EFCAB8: variants seen among roughly 807,000 people sequenced by gnomAD.
The protein encoded by EFCAB8 is EF-hand calcium-binding domain-containing protein 8.
In EFCAB8, 100 loss-of-function variants were observed where a neutral mutation model predicts 116.3. The ratio of observed to expected loss-of-function variants is 0.86; its 90% confidence interval spans 0.73 to 1.02. The LOEUF (loss-of-function observed/expected upper bound fraction) is 1.02, where lower values mean the gene tolerates loss of function less well. Ranked by LOEUF, EFCAB8 falls within the 50% of genes least tolerant of loss-of-function variation. EFCAB8 has a pLI of 0.00. For missense variants in EFCAB8, 1,320 were observed against 1,416.9 expected (o/e 0.93, Z 1.10); for synonymous variants, 558 against 567.9 (o/e 0.98, Z 0.25).
At chr20:32,920,342 C>A in intron 20 of EFCAB8, 127 bp downstream of exon 20, 1 of 1,316,622 alleles carries the variant, frequency 7.6e-7, no homozygotes. Context: ...GCCCGGAAGG[C>A]ATCTTGGAGA....
chr20:32,945,399 G>A (rs918729710), intron 23 of EFCAB8, among the ~76,000 whole-genome samples: 4 of 151,990 alleles, frequency 2.6e-5, no homozygotes, highest in Admixed American at 2.0e-4. Context: ...TCAAGTGATC[G>A]CCCACCTAAG....
intron 5 of EFCAB8, among the ~76,000 whole-genome samples, chr20:32,880,671 T>C (rs1042085286): frequency 1.3e-5 from 2 of 152,230 alleles, no homozygotes; most frequent in African/African-American, 2.4e-5. Flanking sequence ...CATTTACTGG[T>C]TTATTATAAA....
intron 15 of EFCAB8, among the ~76,000 whole-genome samples, chr20:32,911,192 G>A (rs1986901705): frequency 6.6e-6 from 1 of 152,162 alleles, no homozygotes; most frequent in Non-Finnish European, 1.5e-5. Context: ...TGTTGTTTCA[G>A]TAATGTCTTT....
intron 22 of EFCAB8, among the ~76,000 whole-genome samples, chr20:32,937,332 G>A (rs1300648642): frequency 6.6e-6 from 1 of 152,068 alleles, no homozygotes; most frequent in African/African-American, 2.4e-5. Context: ...ACCTTATGGA[G>A]TTACAAATTT....
chr20:32,867,671 T>G lies in EFCAB8; in HGVS notation c.132T>G (p.Pro44=). ...ITLSQVPDLQ[P]GSQLFTEIHL... ...TTAGCCAGGTGCCTGACCTCCAGCC[T>G]GGGTCCCAGCTGTTTACTGAGATAC... Residue 44 remains proline, a synonymous_variant, in exon 3 of 27, where the codon CCT becomes CCG. Coordinates refer to ENST00000400522, the MANE Select transcript of EFCAB8 (RefSeq NM_001143967.2). The G allele has an allele frequency of 1.3e-6, 2 of 1,551,672 alleles. No homozygotes were observed. The highest frequency in any genetic ancestry group is 1.7e-6 in the Non-Finnish European group (2 of 1,146,986).
intron 23 of EFCAB8, among the ~76,000 whole-genome samples, chr20:32,947,205 G>T (rs1988623241): frequency 6.6e-6 from 1 of 152,114 alleles, no homozygotes. Context: ...TTCTACCTTT[G>T]TGTCTTCATC....
chr20:32,910,076 AG>A (rs1986849216), intron 15 of EFCAB8, 145 bp downstream of exon 15: 1 of 411,284 alleles, frequency 2.4e-6, no homozygotes, highest in African/African-American at 2.0e-5. Context: ...GTGCTGGGGC[AG>A]CGGGATAGAC....
chr20:32,937,317 A>G (rs1315222959), intron 22 of EFCAB8, among the ~76,000 whole-genome samples: 3 of 152,118 alleles, frequency 2.0e-5, no homozygotes, highest in Non-Finnish European at 2.9e-5. Flanking sequence ...ATTAAATAAT[A>G]TTTCACCTTA....
chr20:32,936,014 ATTTATT>A (rs567827010), intron 22 of EFCAB8, among the ~76,000 whole-genome samples: 154 of 151,626 alleles, frequency 1.0e-3, no homozygotes, highest in African/African-American at 3.1e-3. Flanking sequence ...TTTTGCTTTT[ATTTATT>A]TTTATTTTTA....
At chr20:32,912,430 CAAAA>C (rs762528188) in intron 16 of EFCAB8, among the ~76,000 whole-genome samples, 11 of 81,658 alleles carry the variant, frequency 1.3e-4, no homozygotes, top group East Asian at 5.3e-4. Flanking sequence ...GAAACTCTGT[CAAAA>C]AAAAAAAAAA....
chr20:32,956,397 T>C (rs1988964781), intron 23 of EFCAB8, among the ~76,000 whole-genome samples: 1 of 152,196 alleles, frequency 6.6e-6, no homozygotes, highest in East Asian at 1.9e-4. Flanking sequence ...TTTTCCTTTA[T>C]TCTGAAGAAA....
chr20:32,952,723 G>A (rs934166372), intron 23 of EFCAB8, among the ~76,000 whole-genome samples: 6 of 152,268 alleles, frequency 3.9e-5, no homozygotes, highest in African/African-American at 7.2e-5. Context: ...TCACTTGCCC[G>A]TTCATTTTCC....
At chr20:32,879,493 C>T (rs558725309) in intron 5 of EFCAB8, among the ~76,000 whole-genome samples, 1 of 152,306 alleles carries the variant, frequency 6.6e-6, no homozygotes, top group East Asian at 1.9e-4. Flanking sequence ...GCAGGGACCT[C>T]TCTAAGCGAA....
intron 9 of EFCAB8, among the ~76,000 whole-genome samples, chr20:32,895,823 G>A (rs1032223717): frequency 1.3e-5 from 2 of 151,804 alleles, no homozygotes; most frequent in African/African-American, 2.4e-5. Context: ...TGCCCGTCTC[G>A]CCCTCCCAAA....
intron 23 of EFCAB8, among the ~76,000 whole-genome samples, chr20:32,957,527 T>C (rs1387520919): frequency 6.6e-6 from 1 of 152,146 alleles, no homozygotes; most frequent in African/African-American, 2.4e-5. Context: ...GGTTGAAATC[T>C]GTGTCTGTTT....
chr20:32,911,557 G>A lies in EFCAB8; in HGVS notation c.1635G>A (p.Val545=). Residue 545 remains valine, a synonymous_variant, in exon 16 of 27, where the codon GTG becomes GTA. Transcript: ENST00000400522. ...GCAGGAAGACGATGGAGTTTGCTGT[G>A]TCTGGGGGCCAGCACGTGGAGATGA... The part of the protein sequence containing the change: ...VTGRKTMEFA[V]SGGQHVEMTA... The A allele has an allele frequency of 6.5e-7, 1 of 1,542,540 alleles. No individual in the cohort carries two copies. Among genetic ancestry groups the A allele is most frequent in the Non-Finnish European group, 8.8e-7 (1 of 1,141,092 alleles).
At chr20:32,954,862 A>T (rs1454852193) in intron 23 of EFCAB8, among the ~76,000 whole-genome samples, 2 of 152,200 alleles carry the variant, frequency 1.3e-5, no homozygotes, top group East Asian at 3.8e-4. Flanking sequence ...TGAAAATTCA[A>T]CCTTGCATTC....
At position 32,930,568 on chromosome 20, in the gene EFCAB8, T is replaced by C. The variant is rs1340229609; in HGVS notation, c.2583T>C (p.Asp861=). 6.4e-7 allele frequency: 1 copy of C among 1,552,252 alleles called. No homozygotes were observed. Among genetic ancestry groups the C allele is most frequent in the Non-Finnish European group, 8.7e-7 (1 of 1,147,120 alleles). ...GDVVVGAMAT[D]KNDWILITGD... ...TTGTCGTGGGTGCCATGGCCACTGA[T>C]AAAAATGACTGGATCCTCATCACGG... Residue 861 remains aspartate, a synonymous_variant, in exon 21 of 27, where the codon GAT becomes GAC. Coordinates refer to ENST00000400522, the MANE Select transcript of EFCAB8 (RefSeq NM_001143967.2).
At chr20:32,904,333 C>T (rs944434978) in intron 11 of EFCAB8, among the ~76,000 whole-genome samples, 2 of 151,188 alleles carry the variant, frequency 1.3e-5, no homozygotes, top group Admixed American at 6.6e-5. Context: ...CAGGTTCTTG[C>T]TCTGTCCCCC....
Sources: allele counts gnomAD v4.1 joint callset (sites outside exome capture counted in the v4.1 genomes callset), GRCh38; gene constraint gnomAD v4.1.1; transcripts MANE v1.5; gene names NCBI Gene and HGNC (gene_info 2026-07-23, HGNC 2026-07-21).